The following RHNO1 variants were observed in gnomAD, a reference collection of about 807,000 sequenced individuals.
RHNO1 encodes the protein RAD9, HUS1, RAD1-interacting nuclear orphan protein 1.
A neutral mutation model predicts 7.2 loss-of-function variants in RHNO1; 9 were observed. That is an observed-to-expected ratio of 1.25 (90% confidence interval 0.75 to 2.18). RHNO1 has a LOEUF of 2.18. Among genes scored for constraint, RHNO1 ranks in the 30% most tolerant of loss-of-function variants. RHNO1 has a pLI of 0.00. For synonymous variants in RHNO1, 95 were observed against 107.5 expected, an observed-to-expected ratio of 0.88 and a Z score of 0.72; for missense variants, 292 against 284.5, an observed-to-expected ratio of 1.03 and a Z score of -0.19.
In RHNO1 at chr12:2,888,002, C is replaced by T. The variant is rs867853408; in HGVS notation, c.260C>T (p.Thr87Ile). The stretch of plus-strand genomic sequence containing the variant: ...GCGAGACACTCAAGTCGAAAACCTA[C>T]CACCTCCAAGTTTCCACATCTAACT... ...NRARHSSRKP[T>I]TSKFPHLTFE... Residue 87 changes from threonine (T) to isoleucine (I), a missense_variant, in exon 3 of 3, where the codon ACC becomes ATC. Thr to Ile is a moderately conservative substitution (Grantham distance 89). Transcript: ENST00000489288. The T allele has an allele frequency of 6.2e-7, 1 of 1,613,980 alleles. No homozygotes were observed. Among genetic ancestry groups the T allele is most frequent in the Non-Finnish European group, 8.5e-7 (1 of 1,180,004 alleles).
intron 1 of RHNO1, among the ~76,000 whole-genome samples, chr12:2,883,129 AG>A (rs2153945010): frequency 1.3e-5 from 2 of 151,446 alleles, no homozygotes; most frequent in South Asian, 4.2e-4. Flanking sequence ...CTGTAATTCC[AG>A]CACTTTGGGA....
In RHNO1 at chr12:2,889,381, T is replaced by A. The variant is rs1294038721; in HGVS notation, c.*922T>A. The A allele has an allele frequency of 6.6e-6, 1 of 152,210 alleles. No homozygotes were observed. Among genetic ancestry groups the A allele is most frequent in the Non-Finnish European group, 1.5e-5 (1 of 68,036 alleles). The allele number at this position is 152,210 out of a possible 1,614,324, so 9.4% of individuals were successfully genotyped here. On this transcript the variant is annotated 3_prime_UTR_variant, in exon 3 of 3. Transcript: ENST00000489288. Reference sequence around the variant, plus strand: ...TGGGAAAATGGTTTCTTAGAATAACTGTTCAACTGTGTGTAAATAAGGAAA... The same window carrying A: ...TGGGAAAATGGTTTCTTAGAATAACAGTTCAACTGTGTGTAAATAAGGAAA...
chr12:2,883,511 A>ATATATATATATAT (rs2098161542), intron 1 of RHNO1, among the ~76,000 whole-genome samples: 34 of 26,832 alleles, frequency 1.3e-3, no homozygotes, highest in South Asian at 1.6e-3. Flanking sequence ...ATATATATAT[A>ATATATATATATAT]TTTTTTTTTT....
At chr12:2,879,284 A>G (rs563177140) in intron 1 of RHNO1, among the ~76,000 whole-genome samples, 2 of 152,130 alleles carry the variant, frequency 1.3e-5, no homozygotes, top group Admixed American at 1.3e-4. Flanking sequence ...CATTACAGGC[A>G]TGAGCCACTG....
chr12:2,877,583 C>A (rs995751560), intron 1 of RHNO1, among the ~76,000 whole-genome samples: 3 of 152,196 alleles, frequency 2.0e-5, no homozygotes, highest in African/African-American at 7.2e-5. Context: ...TCTGCTCCCC[C>A]CGATTAGACT....
Position 2,888,553 on chromosome 12 carries a change from A to G in RHNO1, c.*94A>G, listed in dbSNP as rs899070919. 3.5e-6 allele frequency: 4 copies of G among 1,128,942 alleles called. No homozygotes were observed. The Admixed American group carries it at 1.1e-4, about 32-fold the overall frequency. 69.9% of individuals were successfully genotyped at this position (1,128,942 alleles called of 1,614,324 possible). A position where few individuals can be genotyped will look rare whatever the true frequency, so the allele number is the denominator to read the frequency against. ...GTTTTTGTTTTTGTTTTTGAGATGT[A>G]ATATTGCTCTGTTGCCCAGGCTGGA... On this transcript the variant is annotated 3_prime_UTR_variant, in exon 3 of 3. Transcript: ENST00000489288.
chr12:2,882,732 CAGGTCA>C (rs1383960158), intron 1 of RHNO1, among the ~76,000 whole-genome samples: 1 of 151,834 alleles, frequency 6.6e-6, no homozygotes, highest in Admixed American at 6.6e-5. Flanking sequence ...AAAAATCAAA[CAGGTCA>C]AGGGGTTGAG....
chr12:2,879,186 T>C (rs1023744998), intron 1 of RHNO1, among the ~76,000 whole-genome samples: 1 of 151,720 alleles, frequency 6.6e-6, no homozygotes, highest in East Asian at 1.9e-4. Context: ...GTATCTTTTG[T>C]AGAGACAGGG....
intron 1 of RHNO1, among the ~76,000 whole-genome samples, chr12:2,883,191 C>G (rs924421049): frequency 6.6e-6 from 1 of 150,834 alleles, no homozygotes; most frequent in African/African-American, 2.4e-5. Flanking sequence ...CTAGCCTGGG[C>G]AATACAACGA....
chr12:2,879,084 C>CAACCTCCTGGGCTCAGGTG (rs1324494189), intron 1 of RHNO1, among the ~76,000 whole-genome samples: 11 of 151,926 alleles, frequency 7.2e-5, no homozygotes, highest in Admixed American at 2.0e-4. Flanking sequence ...ACTACAACCT[C>CAACCTCCTGGGCTCAGGTG]AACCTCCTGG....
At chr12:2,881,030 C>T (rs180889659) in intron 1 of RHNO1, among the ~76,000 whole-genome samples, 1 of 152,106 alleles carries the variant, frequency 6.6e-6, no homozygotes, top group Admixed American at 6.5e-5. Context: ...TGATGACTTT[C>T]AGCAAGTCAT....
chr12:2,888,131 C>T lies in RHNO1; in HGVS notation c.389C>T (p.Pro130Leu). The T allele has an allele frequency of 1.9e-6, 3 of 1,613,898 alleles. No homozygotes were observed. The highest frequency in any genetic ancestry group is 2.5e-6 in the Non-Finnish European group (3 of 1,179,862). ...GATGTTTCCAGAAGACCCTTAGTTC[C>T]AGTGCTCAGTCCCCAAAGCTGTGGG... is the stretch of plus-strand genomic sequence containing the variant. The part of the protein sequence containing the change: ...EKDVSRRPLV[P>L]VLSPQSCGNM... The change falls in exon 3 of 3, where the codon CCA (proline) becomes CTA (leucine). Residue 130 changes from proline (P) to leucine (L), a missense_variant. Physicochemically the swap from Pro to Leu is moderately conservative, Grantham distance 98. Coordinates refer to ENST00000489288, the MANE Select transcript of RHNO1 (RefSeq NM_001252499.3).
At chr12:2,885,757 A>C in intron 2 of RHNO1, 1 of 418,374 alleles carries the variant, frequency 2.4e-6, no homozygotes. Flanking sequence ...TTGTATTTTC[A>C]GTAGAGATGG....
chr12:2,885,155 G>GT, intron 1 of RHNO1, 128 bp from the exon 2 acceptor site: 1 of 494,212 alleles, frequency 2.0e-6, no homozygotes, highest in East Asian at 3.3e-5. Flanking sequence ...TTGCTTGGTG[G>GT]TTGTAGGTAT....
chr12:2,886,518 A>G (rs776681625), intron 2 of RHNO1, among the ~76,000 whole-genome samples: 15 of 151,980 alleles, frequency 9.9e-5, no homozygotes, highest in Non-Finnish European at 2.2e-4. Flanking sequence ...TTAGCTGGGC[A>G]TGGTGGTGCG....
chr12:2,889,496 T>A lies in RHNO1; in HGVS notation c.*1037T>A, dbSNP rs955045352. ...CGGCCTTTTACTCAGACAAGTAGCA[T>A]CTCATTAAACCCATTCATTTAGCAT... On this transcript the variant is annotated 3_prime_UTR_variant, in exon 3 of 3. Transcript: ENST00000489288. 6.6e-6 allele frequency: 1 copy of A among 152,172 alleles called. No individual in the cohort carries two copies. The highest frequency in any genetic ancestry group is 6.6e-5 in the Admixed American group (1 of 15,258). 9.4% of individuals were successfully genotyped at this position (152,172 alleles called of 1,614,324 possible).
rs1212314918 is a variant in RHNO1 at position 2,877,234 on chromosome 12, G to C, written c.-133G>C. ...GGCCTTGTCTCGGCATTCCGGGCTC[G>C]AAGGCTGTGCGGTCTGCCAGGAGCT... On this transcript the variant is annotated 5_prime_UTR_variant, in exon 1 of 3. Coordinates refer to ENST00000489288, the MANE Select transcript of RHNO1 (RefSeq NM_001252499.3). 3 of 152,374 alleles carry C rather than the reference G, an allele frequency of 2.0e-5. No homozygotes were observed. Among genetic ancestry groups the C allele is most frequent in the East Asian group, 1.9e-4 (1 of 5,176 alleles). 9.4% of individuals were successfully genotyped at this position (152,374 alleles called of 1,614,324 possible). A position where few individuals can be genotyped will look rare whatever the true frequency, so the allele number is the denominator to read the frequency against.
intron 1 of RHNO1, among the ~76,000 whole-genome samples, chr12:2,884,192 T>TGC: frequency 6.6e-6 from 1 of 151,046 alleles, no homozygotes; most frequent in African/African-American, 2.5e-5. Flanking sequence ...TCCCATGTAG[T>TGC]TCGGATTACA....
chr12:2,879,809 G>C (rs185219209), intron 1 of RHNO1, among the ~76,000 whole-genome samples: 1 of 152,042 alleles, frequency 6.6e-6, no homozygotes, highest in East Asian at 1.9e-4. Flanking sequence ...AGTATATAGA[G>C]TGAGAACAGC....
Sources: allele counts gnomAD v4.1 joint callset (sites outside exome capture counted in the v4.1 genomes callset), GRCh38; gene constraint gnomAD v4.1.1; transcripts MANE v1.5; gene names NCBI Gene and HGNC (gene_info 2026-07-23, HGNC 2026-07-21).